The following CCDC83 variants were observed in gnomAD, a reference collection of about 807,000 sequenced individuals.
The protein encoded by CCDC83 is coiled-coil domain-containing protein 83.
CCDC83 carries 54 observed loss-of-function variants against 50.1 expected under a neutral mutation model. The observed-to-expected ratio is 1.08, with a 90% CI of 0.87 to 1.35. The LOEUF is 1.35. Ranked by LOEUF, CCDC83 falls within the 40% of genes most tolerant of loss-of-function variation. CCDC83 has a pLI of 0.00. For missense variants in CCDC83, 518 were observed against 473.9 expected, an observed-to-expected ratio of 1.09 and a Z score of -0.86; for synonymous variants, 161 against 153.3, an observed-to-expected ratio of 1.05 and a Z score of -0.37.
At chr11:85,859,957 A>C (rs781541080) in intron 1 of CCDC83, among the ~76,000 whole-genome samples, 11 of 152,174 alleles carry the variant, frequency 7.2e-5, no homozygotes, top group Admixed American at 1.3e-4. Context: ...AAGGAACTTA[A>C]TTCAGCAAAC....
chr11:85,908,551 T>TAGATAGATAGACAGA (rs1554985151), intron 7 of CCDC83, among the ~76,000 whole-genome samples: 16 of 137,420 alleles, frequency 1.2e-4, no homozygotes, highest in African/African-American at 4.2e-4. Context: ...GACTAGATGA[T>TAGATAGATAGACAGA]TAGATAGATA....
chr11:85,894,028 T>C (rs1371718609), intron 5 of CCDC83, among the ~76,000 whole-genome samples: 1 of 152,120 alleles, frequency 6.6e-6, no homozygotes, highest in Non-Finnish European at 1.5e-5. Context: ...TTATAGTGAG[T>C]TGTATAATTA....
Position 85,886,206 on chromosome 11 carries a change from G to A in CCDC83, c.350G>A (p.Arg117His), listed in dbSNP as rs553174518. The A allele has an allele frequency of 2.5e-5, 39 of 1,572,620 alleles. No homozygotes were observed. Among genetic ancestry groups the A allele is most frequent in the South Asian group, 1.6e-4 (13 of 83,400 alleles). ...RDQEKNLRDM[R>H]MQISNAEKLF... Reference sequence around the variant, plus strand: ...GTGTCTTTATTTTCAACAGATATGCGCATGCAAATAAGTAATGCTGAGAAA... The same window carrying A: ...GTGTCTTTATTTTCAACAGATATGCACATGCAAATAAGTAATGCTGAGAAA... Residue 117 changes from arginine (R) to histidine (H), a missense_variant, in exon 5 of 11, where the codon CGC becomes CAC. By Grantham distance (29) the Arg-to-His change is conservative. Coordinates refer to ENST00000342404, the MANE Select transcript of CCDC83 (RefSeq NM_001286159.2).
chr11:85,879,164 T>A (rs1018722768), intron 3 of CCDC83, among the ~76,000 whole-genome samples: 1 of 152,220 alleles, frequency 6.6e-6, no homozygotes, highest in Admixed American at 6.5e-5. Flanking sequence ...TTTTCCTTTA[T>A]GGATTATGCT....
At chr11:85,885,235 T>C (rs1440476753) in intron 4 of CCDC83, among the ~76,000 whole-genome samples, 3 of 152,064 alleles carry the variant, frequency 2.0e-5, no homozygotes, top group African/African-American at 4.8e-5. Context: ...ATTAGTATCT[T>C]GTGTACATCT....
intron 10 of CCDC83, among the ~76,000 whole-genome samples, chr11:85,917,194 G>T (rs866062820): frequency 1.1e-5 from 1 of 92,518 alleles, no homozygotes; most frequent in African/African-American, 4.1e-5. Flanking sequence ...GAAAGAAAGA[G>T]AAAGAAAGAA....
chr11:85,901,403 T>C (rs140403422), intron 7 of CCDC83, among the ~76,000 whole-genome samples: 1 of 151,542 alleles, frequency 6.6e-6, no homozygotes, highest in African/African-American at 2.4e-5. Context: ...TGAAACCCCA[T>C]CTATACAAAA....
intron 8 of CCDC83, among the ~76,000 whole-genome samples, chr11:85,912,331 G>C (rs958649472): frequency 6.6e-6 from 1 of 152,188 alleles, no homozygotes; most frequent in African/African-American, 2.4e-5. Flanking sequence ...CAGGAAAGGT[G>C]GATACAGGTA....
chr11:85,900,800 C>G (rs1472507482), intron 7 of CCDC83, among the ~76,000 whole-genome samples: 2 of 152,192 alleles, frequency 1.3e-5, no homozygotes, highest in African/African-American at 4.8e-5. Context: ...CATAGTGGCT[C>G]ACACCTCTAA....
intron 6 of CCDC83, among the ~76,000 whole-genome samples, chr11:85,896,675 T>G (rs1448231876): frequency 6.6e-6 from 1 of 152,114 alleles, no homozygotes; most frequent in Non-Finnish European, 1.5e-5. Flanking sequence ...GCTGGCACTT[T>G]AAAAATCTGG....
chr11:85,863,545 T>C (rs2093189753), intron 1 of CCDC83, among the ~76,000 whole-genome samples: 1 of 152,250 alleles, frequency 6.6e-6, no homozygotes, highest in African/African-American at 2.4e-5. Context: ...TTAGTTAGCA[T>C]ACAGAGTAGT....
chr11:85,913,228 G>C (rs2093463102), intron 8 of CCDC83, among the ~76,000 whole-genome samples: 1 of 152,160 alleles, frequency 6.6e-6, no homozygotes, highest in African/African-American at 2.4e-5. Flanking sequence ...ATGTGTCCTT[G>C]CTATATGCTC....
chr11:85,879,747 G>T lies in CCDC83; in HGVS notation c.181-2766G>T, dbSNP rs540254637. 8.5e-5 allele frequency among the ~76,000 whole-genome samples: 13 copies of T among 152,136 alleles called. No individual in the cohort carries two copies. In the South Asian group the frequency reaches 2.7e-3, roughly 32 times the overall value. On this transcript the variant is annotated intron_variant, in intron 3 of 10. Transcript: ENST00000342404. ...CGATTCTGCTGCCTCAGCCTCCTCA[G>T]TAGCTGGGATTACAAGCAGCTGCCA...
intron 7 of CCDC83, among the ~76,000 whole-genome samples, 168 bp from the exon 8 acceptor site, chr11:85,911,113 G>A (rs2093451341): frequency 6.7e-6 from 1 of 149,538 alleles, no homozygotes; most frequent in Admixed American, 6.7e-5. Context: ...AGAGGTTGCA[G>A]TGAGCCAAGA....
intron 3 of CCDC83, among the ~76,000 whole-genome samples, chr11:85,881,630 G>C (rs1200989207): frequency 6.6e-6 from 1 of 152,028 alleles, no homozygotes. Flanking sequence ...TGTTGTCCAG[G>C]CTAGTCTTGA....
chr11:85,897,869 T>C (rs1467248407), intron 6 of CCDC83, among the ~76,000 whole-genome samples: 1 of 152,106 alleles, frequency 6.6e-6, no homozygotes, highest in East Asian at 1.9e-4. Flanking sequence ...TTAAAGACTT[T>C]AATAGGGCTG....
At chr11:85,887,339 G>T (rs1039853302) in intron 5 of CCDC83, among the ~76,000 whole-genome samples, 6 of 152,206 alleles carry the variant, frequency 3.9e-5, no homozygotes, top group African/African-American at 1.2e-4. Flanking sequence ...GAGTTGCTGT[G>T]GGTGGACAAC....
At chr11:85,872,768 A>G (rs540296343) in intron 2 of CCDC83, among the ~76,000 whole-genome samples, 62 of 152,336 alleles carry the variant, frequency 4.1e-4, no homozygotes, top group African/African-American at 1.4e-3. Flanking sequence ...GAGATGGCAC[A>G]CTAATGAACT....
intron 10 of CCDC83, chr11:85,916,536 G>A: frequency 3.1e-6 from 1 of 321,946 alleles, no homozygotes. Context: ...TCTCGCTTAG[G>A]GCTCTGTTGG....
Sources: allele counts gnomAD v4.1 joint callset (sites outside exome capture counted in the v4.1 genomes callset), GRCh38; gene constraint gnomAD v4.1.1; transcripts MANE v1.5; gene names NCBI Gene and HGNC (gene_info 2026-07-23, HGNC 2026-07-21).